Variants in CERKL observed in about 807,000 individuals in gnomAD.
The protein encoded by CERKL is ceramide kinase-like protein.
A neutral mutation model predicts 63.4 loss-of-function variants in CERKL; 61 were observed. The observed-to-expected ratio is 0.96, with a 90% CI of 0.78 to 1.19. The LOEUF (loss-of-function observed/expected upper bound fraction) is 1.19, where lower values mean the gene tolerates loss of function less well. Among genes scored for constraint, CERKL ranks in the 50% most tolerant of loss-of-function variants. The probability of loss-of-function intolerance (pLI) is 0.00; values close to 1 mark genes in which losing one functional copy is unlikely to be tolerated. For synonymous variants in CERKL, 250 were observed against 230.5 expected (o/e 1.08, Z -0.77); for missense variants, 675 against 655.5 (o/e 1.03, Z -0.33).
intron 2 of CERKL, among the ~76,000 whole-genome samples, chr2:181,576,709 G>C (rs1684241537): frequency 1.3e-5 from 2 of 152,236 alleles, no homozygotes; most frequent in Admixed American, 6.5e-5. Context: ...CAATACTCCA[G>C]GTGGGAAATG....
At chr2:181,623,697 G>A (rs1316068394) in intron 1 of CERKL, among the ~76,000 whole-genome samples, 5 of 152,036 alleles carry the variant, frequency 3.3e-5, no homozygotes, top group Non-Finnish European at 5.9e-5. Context: ...GTGTAGGTAC[G>A]GGTCTAGAAT....
At chr2:181,589,824 G>A (rs1364106663) in intron 2 of CERKL, among the ~76,000 whole-genome samples, 1 of 152,156 alleles carries the variant, frequency 6.6e-6, no homozygotes, top group East Asian at 1.9e-4. Flanking sequence ...CAAAAGGTAT[G>A]TATGTATGTA....
intron 1 of CERKL, among the ~76,000 whole-genome samples, chr2:181,656,315 G>C (rs376619051): frequency 1.3e-5 from 2 of 152,222 alleles, no homozygotes; most frequent in Admixed American, 6.5e-5. Flanking sequence ...GTTGGATTCA[G>C]AACTCTTGTG....
rs140232898 is a variant in CERKL, at chr2:181,564,061, C to A, written c.677+1997G>T. 4.3e-3 allele frequency among the ~76,000 whole-genome samples: 658 copies of A among 152,150 alleles called. 4 individuals carry two copies. The highest frequency in any genetic ancestry group is 0.015 in the African/African-American group (625 of 41,516). On this transcript the variant is annotated intron_variant, in intron 4 of 12. Transcript: ENST00000410087. ...AAGCATTAGATTCTCATCAAGAGCA[C>A]GCAACCTAGATCCCTCGCATGACCA... is the stretch of plus-strand genomic sequence containing the variant.
intron 1 of CERKL, among the ~76,000 whole-genome samples, chr2:181,626,033 T>C (rs1686688429): frequency 9.5e-6 from 1 of 105,582 alleles, no homozygotes; most frequent in South Asian, 2.6e-4. Flanking sequence ...ATTTTACAGA[T>C]TGTGAGGAAG....
chr2:181,611,262 A>C (rs549847513), intron 1 of CERKL, among the ~76,000 whole-genome samples: 8 of 152,054 alleles, frequency 5.3e-5, no homozygotes, highest in African/African-American at 1.9e-4. Flanking sequence ...TTACTTACCC[A>C]AGCATTATTT....
At chr2:181,541,087 G>A (rs1434397005) in intron 11 of CERKL, among the ~76,000 whole-genome samples, 1 of 152,192 alleles carries the variant, frequency 6.6e-6, no homozygotes, top group African/African-American at 2.4e-5. Flanking sequence ...TCCTCGCTCT[G>A]TATACCTCAG....
chr2:181,548,126 A>T (rs1308014293), intron 8 of CERKL: 16 of 571,498 alleles, frequency 2.8e-5, no homozygotes, highest in Non-Finnish European at 4.6e-5. Context: ...TATTTGTATT[A>T]CACACTAGAC....
intron 1 of CERKL, among the ~76,000 whole-genome samples, chr2:181,651,723 T>C (rs1687947257): frequency 6.6e-6 from 1 of 152,114 alleles, no homozygotes; most frequent in South Asian, 2.1e-4. Flanking sequence ...AAGAAGCATG[T>C]CAAACTGTCC....
chr2:181,593,868 A>T (rs1685085519), intron 2 of CERKL, among the ~76,000 whole-genome samples: 1 of 85,184 alleles, frequency 1.2e-5, no homozygotes, highest in African/African-American at 1.3e-4. Context: ...AAACACTACT[A>T]AAAAAAAAAA....
intron 11 of CERKL, among the ~76,000 whole-genome samples, chr2:181,539,947 G>A (rs1010001022): frequency 6.6e-6 from 1 of 152,144 alleles, no homozygotes; most frequent in African/African-American, 2.4e-5. Flanking sequence ...AATAACTTGA[G>A]CAGAAATGTA....
intron 4 of CERKL, among the ~76,000 whole-genome samples, chr2:181,562,506 A>G (rs974194946): frequency 6.6e-6 from 1 of 152,184 alleles, no homozygotes; most frequent in African/African-American, 2.4e-5. Context: ...AAATATCACA[A>G]GAGTCTAAAT....
rs183161823 is a variant in CERKL at position 181,612,633 on chromosome 2, A to C, written c.239-8554T>G. Among the ~76,000 whole-genome samples the C allele has an allele frequency of 1.5e-3, 226 of 152,216 alleles. 2 individuals are homozygous for C. The highest frequency in any genetic ancestry group is 0.014 in the Middle Eastern group (4 of 292). On this transcript the variant is annotated intron_variant, in intron 1 of 12. Coordinates refer to ENST00000410087, the MANE Select transcript of CERKL (RefSeq NM_201548.5). ...ACATATTAAATATTATAAGATTAAT[A>C]ATGGACTTTTAAAAAAAACTAATGT...
At chr2:181,559,897 C>A (rs1194771941) in intron 4 of CERKL, among the ~76,000 whole-genome samples, 1 of 152,100 alleles carries the variant, frequency 6.6e-6, no homozygotes, top group Admixed American at 6.6e-5. Context: ...CAATCCAAGG[C>A]TACTCTGGTT....
At chr2:181,649,728 C>A (rs1009642206) in intron 1 of CERKL, 1 of 152,100 alleles carries the variant, frequency 6.6e-6, no homozygotes, top group Non-Finnish European at 1.5e-5. Flanking sequence ...CTGACCACAG[C>A]GTTATAATAC....
intron 2 of CERKL, among the ~76,000 whole-genome samples, chr2:181,589,643 C>A (rs1450166588): frequency 6.6e-6 from 1 of 152,078 alleles, no homozygotes; most frequent in Non-Finnish European, 1.5e-5. Flanking sequence ...AGGATCAATA[C>A]CTTCTACCAT....
At chr2:181,636,178 A>G (rs1381471171) in intron 1 of CERKL, among the ~76,000 whole-genome samples, 1 of 152,198 alleles carries the variant, frequency 6.6e-6, no homozygotes, top group Non-Finnish European at 1.5e-5. Flanking sequence ...ATTTGGTAGA[A>G]TATATTTCAA....
At chr2:181,616,110 T>C (rs1407271270) in intron 1 of CERKL, among the ~76,000 whole-genome samples, 3 of 151,926 alleles carry the variant, frequency 2.0e-5, no homozygotes, top group African/African-American at 7.3e-5. Flanking sequence ...CATGTGTAAA[T>C]GGCTGAGATA....
At chr2:181,615,441 G>A (rs768100167) in intron 1 of CERKL, among the ~76,000 whole-genome samples, 2 of 152,320 alleles carry the variant, frequency 1.3e-5, no homozygotes, top group South Asian at 2.1e-4. Context: ...GATGTAGACC[G>A]TAAACAGGAT....
Sources: gnomAD v4.1 joint callset for allele counts (sites outside exome capture counted in the v4.1 genomes callset) on GRCh38, gnomAD v4.1.1 for gene constraint, MANE v1.5 for transcripts, NCBI Gene and HGNC (gene_info 2026-07-23, HGNC 2026-07-21) for gene names.